The following VTI1A variants were observed in gnomAD, a reference collection of about 807,000 sequenced individuals.
VTI1A encodes the protein vesicle transport through interaction with t-SNAREs homolog 1A.
VTI1A carries 22 observed loss-of-function variants against 34.9 expected under a neutral mutation model. The observed-to-expected ratio is 0.63, with a 90% CI of 0.45 to 0.90. VTI1A has a LOEUF of 0.90. Among genes scored for constraint, VTI1A ranks in the 40% least tolerant of loss-of-function variants. The pLI is 0.00. For missense variants in VTI1A, 268 were observed against 275.6 expected (o/e 0.97, Z 0.20); for synonymous variants, 87 against 97.3 (o/e 0.89, Z 0.62).
intron 5 of VTI1A, among the ~76,000 whole-genome samples, chr10:112,570,071 G>T (rs1005069484): frequency 3.3e-5 from 5 of 152,146 alleles, no homozygotes; most frequent in African/African-American, 1.2e-4. Context: ...AGCCTACTGT[G>T]TGGCATCTCA....
chr10:112,664,893 A>G (rs1043532038), intron 5 of VTI1A, among the ~76,000 whole-genome samples: 5 of 152,132 alleles, frequency 3.3e-5, no homozygotes, highest in African/African-American at 1.2e-4. Flanking sequence ...TCCAGCATAC[A>G]CCATCAGTTT....
chr10:112,681,647 G>T (rs969281393), intron 7 of VTI1A, among the ~76,000 whole-genome samples: 1 of 152,050 alleles, frequency 6.6e-6, no homozygotes, highest in Admixed American at 6.6e-5. Context: ...TCTTTTCACT[G>T]GTTGTGCCCC....
intron 5 of VTI1A, among the ~76,000 whole-genome samples, chr10:112,641,182 G>C (rs1314246642): frequency 4.6e-5 from 7 of 152,028 alleles, no homozygotes. Flanking sequence ...GGCTTGTTGA[G>C]CTGTCAGTTG....
chr10:112,745,136 C>A (rs2133982607), intron 7 of VTI1A, among the ~76,000 whole-genome samples: 1 of 152,140 alleles, frequency 6.6e-6, no homozygotes, highest in East Asian at 1.9e-4. Flanking sequence ...TGCATAATCC[C>A]TGGCCATTTC....
At chr10:112,753,292 A>G (rs1851169298) in intron 7 of VTI1A, among the ~76,000 whole-genome samples, 1 of 151,770 alleles carries the variant, frequency 6.6e-6, no homozygotes, top group African/African-American at 2.4e-5. Flanking sequence ...TAATAATAAT[A>G]ATACAACCTG....
chr10:112,667,259 G>A (rs542042834), intron 5 of VTI1A, among the ~76,000 whole-genome samples: 18 of 152,228 alleles, frequency 1.2e-4, no homozygotes, highest in African/African-American at 4.1e-4. Context: ...AGAGGGAAAA[G>A]GAGAGAGAGA....
chr10:112,834,553 G>A, the VTI1A span, among the ~76,000 whole-genome samples: 1 of 152,218 alleles, frequency 6.6e-6, no homozygotes, highest in African/African-American at 2.4e-5. Flanking sequence ...AGTGCCACCT[G>A]CCCTGGGGAG....
intron 5 of VTI1A, among the ~76,000 whole-genome samples, chr10:112,560,536 G>T (rs984026853): frequency 6.6e-6 from 1 of 151,158 alleles, no homozygotes; most frequent in Admixed American, 6.6e-5. Flanking sequence ...TTCCTGAGAG[G>T]CATTTTGTTG....
chr10:112,613,033 C>G (rs559846498), intron 5 of VTI1A, among the ~76,000 whole-genome samples: 1 of 151,924 alleles, frequency 6.6e-6, no homozygotes, highest in Non-Finnish European at 1.5e-5. Flanking sequence ...AAAAATGATA[C>G]TAATTTTCTC....
chr10:112,628,805 T>A (rs895499830), intron 5 of VTI1A, among the ~76,000 whole-genome samples: 3 of 152,178 alleles, frequency 2.0e-5, no homozygotes, highest in African/African-American at 7.2e-5. Flanking sequence ...TAATTATAAA[T>A]ACAGAAAACC....
chr10:112,512,795 G>C (rs187600938), intron 3 of VTI1A, among the ~76,000 whole-genome samples: 6 of 152,212 alleles, frequency 3.9e-5, no homozygotes, highest in Non-Finnish European at 7.4e-5. Flanking sequence ...ATTTATTGAA[G>C]AGCAAGTCCT....
intron 3 of VTI1A, among the ~76,000 whole-genome samples, chr10:112,501,153 G>T (rs1327950919): frequency 6.6e-6 from 1 of 152,146 alleles, no homozygotes; most frequent in East Asian, 1.9e-4. Context: ...ATACACAGCT[G>T]CTCAATACAT....
intron 7 of VTI1A, among the ~76,000 whole-genome samples, chr10:112,691,393 T>A (rs1291538099): frequency 2.0e-5 from 3 of 152,202 alleles, no homozygotes; most frequent in Admixed American, 2.0e-4. Context: ...CATTCTAAAC[T>A]CAGTTCTACT....
chr10:112,781,443 C>T (rs1028677337), intron 7 of VTI1A, among the ~76,000 whole-genome samples: 1 of 152,182 alleles, frequency 6.6e-6, no homozygotes, highest in Non-Finnish European at 1.5e-5. Context: ...CAGTCATTGA[C>T]TAGGCACAGT....
intron 7 of VTI1A, 151 bp from the exon 8 acceptor site, chr10:112,815,139 G>GCGCGCGCACACACACA (rs879013051): frequency 5.8e-6 from 1 of 173,552 alleles, no homozygotes; most frequent in African/African-American, 3.3e-5. Context: ...TTTCGCGCGC[G>GCGCGCGCACACACACA]CACACACACA....
At chr10:112,618,524 T>TATATAGAGAGAGAGAGAGAGAG (rs748276058) in intron 5 of VTI1A, among the ~76,000 whole-genome samples, 32 of 34,562 alleles carry the variant, frequency 9.3e-4, no homozygotes, top group Middle Eastern at 0.023. Context: ...TATATATATA[T>TATATAGAGAGAGAGAGAGAGAG]AGAGAGAGAG....
chr10:112,651,398 C>T (rs1313524007), intron 5 of VTI1A, among the ~76,000 whole-genome samples: 1 of 152,188 alleles, frequency 6.6e-6, no homozygotes, highest in East Asian at 1.9e-4. Context: ...ACAACCTCCA[C>T]CTCCCAGTTT....
chr10:112,569,754 C>T (rs962753100), intron 5 of VTI1A, among the ~76,000 whole-genome samples: 12 of 152,184 alleles, frequency 7.9e-5, no homozygotes, highest in African/African-American at 2.9e-4. Context: ...AACACAGCTT[C>T]CTGGGTGCCA....
chr10:112,791,478 A>G (rs1025137454), intron 7 of VTI1A, among the ~76,000 whole-genome samples: 2 of 152,346 alleles, frequency 1.3e-5, no homozygotes, highest in East Asian at 1.9e-4. Flanking sequence ...ATTGGAGACT[A>G]TAGTTGTAAA....
Sources: gnomAD v4.1 joint callset for allele counts (sites outside exome capture counted in the v4.1 genomes callset) on GRCh38, gnomAD v4.1.1 for gene constraint, MANE v1.5 for transcripts, NCBI Gene and HGNC (gene_info 2026-07-23, HGNC 2026-07-21) for gene names.